The following HIVEP3 variants were observed in gnomAD, a reference collection of about 807,000 sequenced individuals.
HIVEP3 encodes HIVEP zinc finger 3, also known as transcription factor HIVEP3.
A neutral mutation model predicts 152.8 loss-of-function variants in HIVEP3; 49 were observed. The ratio of observed to expected loss-of-function variants is 0.32; its 90% CI spans 0.26 to 0.41. The LOEUF (loss-of-function observed/expected upper bound fraction) is 0.41. Among genes scored for constraint, HIVEP3 ranks in the 10% least tolerant of loss-of-function variants. The pLI is 1.00. For synonymous variants in HIVEP3, 1,269 were observed against 1,289.0 expected (o/e 0.98, Z 0.33); for missense variants, 2,790 against 3,103.3 (o/e 0.90, Z 2.40).
chr1:41,962,879 A>G (rs1441653293), intron 1 of HIVEP3, among the ~76,000 whole-genome samples: 1 of 152,208 alleles, frequency 6.6e-6, no homozygotes, highest in Non-Finnish European at 1.5e-5. Flanking sequence ...TTTGAACCAG[A>G]TAATTTTTCA....
intron 1 of HIVEP3, among the ~76,000 whole-genome samples, chr1:41,945,791 G>A (rs965716048): frequency 1.3e-5 from 2 of 152,138 alleles, no homozygotes; most frequent in Admixed American, 6.5e-5. Flanking sequence ...AAATCCTACC[G>A]CCTTTCTGGA....
chr1:41,767,308 C>A (rs1407196102), intron 1 of HIVEP3, among the ~76,000 whole-genome samples: 1 of 152,196 alleles, frequency 6.6e-6, no homozygotes, highest in African/African-American at 2.4e-5. Flanking sequence ...AAAGAGGACA[C>A]AGAATCAAAG....
intron 3 of HIVEP3, among the ~76,000 whole-genome samples, chr1:41,593,910 T>C (rs1644625874): frequency 6.6e-6 from 1 of 152,188 alleles, no homozygotes; most frequent in Admixed American, 6.5e-5. Context: ...TCCCAACTTC[T>C]AGAGGGTACC....
intron 1 of HIVEP3, among the ~76,000 whole-genome samples, chr1:41,815,087 T>C (rs1489895889): frequency 6.6e-6 from 1 of 152,178 alleles, no homozygotes; most frequent in Non-Finnish European, 1.5e-5. Context: ...CAGGATGGCC[T>C]GGGGATGTAA....
At chr1:41,924,053 G>A (rs1430223109) in intron 1 of HIVEP3, among the ~76,000 whole-genome samples, 2 of 152,114 alleles carry the variant, frequency 1.3e-5, no homozygotes, top group East Asian at 1.9e-4. Flanking sequence ...ATGTGACTAC[G>A]TTAATGATCT....
chr1:41,529,063 A>G (rs1340817679), intron 5 of HIVEP3, among the ~76,000 whole-genome samples: 1 of 80,964 alleles, frequency 1.2e-5, no homozygotes, highest in Non-Finnish European at 2.5e-5. Flanking sequence ...CCCCACCCTC[A>G]CCCTCACACT....
At chr1:41,684,759 T>C (rs1259447078) in intron 2 of HIVEP3, among the ~76,000 whole-genome samples, 2 of 152,226 alleles carry the variant, frequency 1.3e-5, no homozygotes, top group Non-Finnish European at 2.9e-5. Context: ...TTAAGACACA[T>C]TGGCTCTTGA....
intron 1 of HIVEP3, among the ~76,000 whole-genome samples, chr1:42,002,102 T>C (rs1038533751): frequency 2.6e-5 from 4 of 151,934 alleles, no homozygotes; most frequent in Non-Finnish European, 5.9e-5. Flanking sequence ...TTTTAAAAAA[T>C]AAAATAATAA....
At chr1:41,648,894 G>C (rs1436077170) in intron 2 of HIVEP3, among the ~76,000 whole-genome samples, 1 of 152,228 alleles carries the variant, frequency 6.6e-6, no homozygotes, top group Non-Finnish European at 1.5e-5. Flanking sequence ...ACAGAATTTA[G>C]AGTCCAATGT....
intron 1 of HIVEP3, among the ~76,000 whole-genome samples, chr1:41,790,177 G>A (rs1446445255): frequency 6.6e-6 from 1 of 152,196 alleles, no homozygotes; most frequent in Non-Finnish European, 1.5e-5. Context: ...GTAAGGCCTA[G>A]TGGGAGGTGT....
chr1:41,581,842 G>T lies in HIVEP3; in HGVS notation c.2956C>A (p.Arg986=), dbSNP rs757594605. 1.9e-6 allele frequency: 3 copies of T among 1,599,122 alleles called. No individual in the cohort carries two copies. Among genetic ancestry groups the T allele is most frequent in the Non-Finnish European group, 2.6e-6 (3 of 1,171,834 alleles). The change falls in exon 4 of 9, where the codon CGA becomes AGA. Residue 986 remains arginine (R), a synonymous_variant. Coordinates refer to ENST00000372583, the MANE Select transcript of HIVEP3 (RefSeq NM_024503.5). The surrounding 1 kb of genome is among the most constrained non-coding windows in gnomAD (Gnocchi z 4.5). The stretch of plus-strand genomic sequence containing the variant: ...TCTGAGGCTGACCTCCGCATCTCTC[G>T]GGCATGTGGGTGGTGGCTGGGGACA... ...LTVPSHHPHA[R]EMRRSASEQS...
At chr1:41,739,344 G>C (rs1646964109) in intron 1 of HIVEP3, among the ~76,000 whole-genome samples, 1 of 152,216 alleles carries the variant, frequency 6.6e-6, no homozygotes, top group Admixed American at 6.5e-5. Context: ...AGTGAGGTCA[G>C]AGGGTCGGTG....
At chr1:41,877,473 C>T (rs1006525325) in intron 1 of HIVEP3, among the ~76,000 whole-genome samples, 1 of 152,148 alleles carries the variant, frequency 6.6e-6, no homozygotes, top group African/African-American at 2.4e-5. Context: ...TTTGAAGATA[C>T]AAAAACCATA....
chr1:41,754,533 G>T (rs1016748745), intron 1 of HIVEP3, among the ~76,000 whole-genome samples: 1 of 152,224 alleles, frequency 6.6e-6, no homozygotes, highest in Admixed American at 6.5e-5. Context: ...CCTGCCGTAC[G>T]TGTGGCTGCC....
chr1:41,638,359 AG>A (rs1327114938), intron 2 of HIVEP3, among the ~76,000 whole-genome samples: 2 of 33,494 alleles, frequency 6.0e-5, no homozygotes, highest in Non-Finnish European at 1.6e-4. Context: ...AGAAAGAAAA[AG>A]GAAAGAAAGA....
At chr1:41,661,747 G>A (rs901293739) in intron 2 of HIVEP3, among the ~76,000 whole-genome samples, 6 of 152,250 alleles carry the variant, frequency 3.9e-5, no homozygotes, top group African/African-American at 1.4e-4. Context: ...GCGTGGGTGC[G>A]AGGGGTGAGC....
At chr1:41,622,882 G>C (rs1016780168) in intron 3 of HIVEP3, among the ~76,000 whole-genome samples, 6 of 152,220 alleles carry the variant, frequency 3.9e-5, no homozygotes, top group African/African-American at 9.6e-5. Flanking sequence ...ATTAAGAGTT[G>C]CTATGTGCCC....
chr1:41,558,720 C>T (rs1035038869), intron 5 of HIVEP3, among the ~76,000 whole-genome samples: 2 of 152,190 alleles, frequency 1.3e-5, no homozygotes, highest in Non-Finnish European at 2.9e-5. Context: ...CCTGGGGATG[C>T]AGGGGAGGTG....
intron 1 of HIVEP3, among the ~76,000 whole-genome samples, chr1:42,026,786 G>A (rs1466612499): frequency 6.6e-6 from 1 of 152,058 alleles, no homozygotes; most frequent in Non-Finnish European, 1.5e-5. Flanking sequence ...ACTACATCTA[G>A]GAGGGTTTCT....
Sources: allele counts gnomAD v4.1 joint callset (sites outside exome capture counted in the v4.1 genomes callset), GRCh38; gene constraint gnomAD v4.1.1; non-coding constraint Gnocchi (gnomAD v3.1); transcripts MANE v1.5; gene names NCBI Gene and HGNC (gene_info 2026-07-23, HGNC 2026-07-21).